The following SSBP2 variants were observed in gnomAD, a reference collection of about 807,000 sequenced individuals.
SSBP2 encodes single-stranded DNA-binding protein 2.
In SSBP2, 17 loss-of-function variants were observed where a neutral mutation model predicts 61.8. That is an observed-to-expected ratio of 0.28 (90% CI 0.19 to 0.41). SSBP2 has a LOEUF of 0.41. SSBP2 is among the 10% of genes least tolerant of loss of function. The pLI is 1.00. For missense variants in SSBP2, 310 were observed against 458.7 expected (o/e 0.68, Z 2.96); for synonymous variants, 139 against 141.3 (o/e 0.98, Z 0.12).
intron 4 of SSBP2, among the ~76,000 whole-genome samples, chr5:81,546,265 C>A (rs1223708654): frequency 6.6e-6 from 1 of 152,166 alleles, no homozygotes; most frequent in African/African-American, 2.4e-5. Context: ...TACTAAGTAG[C>A]AAAATCACAA....
intron 1 of SSBP2, among the ~76,000 whole-genome samples, chr5:81,712,764 ACT>A (rs1754886899): frequency 6.8e-6 from 1 of 147,030 alleles, no homozygotes; most frequent in African/African-American, 2.5e-5. Context: ...ACAGGGTCTC[ACT>A]CTGTAACCCA....
chr5:81,559,064 G>C (rs1433101287), intron 4 of SSBP2, among the ~76,000 whole-genome samples: 1 of 152,048 alleles, frequency 6.6e-6, no homozygotes, highest in Non-Finnish European at 1.5e-5. Flanking sequence ...GGCCAGTCTG[G>C]CCAACATGGC....
At chr5:81,661,503 A>G (rs1057300203) in intron 1 of SSBP2, among the ~76,000 whole-genome samples, 2 of 139,014 alleles carry the variant, frequency 1.4e-5, no homozygotes, top group Admixed American at 7.0e-5. Context: ...CACATCCTCA[A>G]TAACACTTCT....
intron 4 of SSBP2, among the ~76,000 whole-genome samples, chr5:81,516,123 T>C (rs915990502): frequency 6.6e-6 from 1 of 151,906 alleles, no homozygotes; most frequent in Non-Finnish European, 1.5e-5. Context: ...CCCAGTAAAA[T>C]AGGCAAGGAT....
chr5:81,654,722 T>TA (rs751859094), intron 1 of SSBP2, among the ~76,000 whole-genome samples: 2 of 152,268 alleles, frequency 1.3e-5, no homozygotes, highest in East Asian at 3.9e-4. Flanking sequence ...GGAACAGTAA[T>TA]AAAAGATACT....
chr5:81,519,636 TGTTTCAG>T (rs1213049013), intron 4 of SSBP2, among the ~76,000 whole-genome samples: 36 of 152,190 alleles, frequency 2.4e-4, no homozygotes, highest in African/African-American at 8.4e-4. Context: ...GGAACACAAA[TGTTTCAG>T]AGATTTAATT....
At position 81,747,026 on chromosome 5, in the gene SSBP2, G is replaced by T. The variant is rs1025115168; in HGVS notation, c.62+3955C>A. Among the ~76,000 whole-genome samples the T allele has an allele frequency of 2.8e-5, 4 of 142,126 alleles. 1 individual carries two copies. Among genetic ancestry groups the T allele is most frequent in the Admixed American group, 1.4e-4 (2 of 14,356 alleles). 93.2% of individuals were successfully genotyped at this position (142,126 alleles called of 152,430 possible). A position where few individuals can be genotyped will look rare whatever the true frequency, so the allele number is the denominator to read the frequency against. Reference sequence around the variant, plus strand: ...CAAGCAATCAAACAAAATTCCTGGGGGGGGGGGGAATCTGAAGAAACAAGT... The same window carrying T: ...CAAGCAATCAAACAAAATTCCTGGGTGGGGGGGGAATCTGAAGAAACAAGT... On this transcript the variant is annotated intron_variant, in intron 1 of 16. Transcript: ENST00000320672.
chr5:81,495,177 C>T (rs1038464776), intron 5 of SSBP2, among the ~76,000 whole-genome samples: 2 of 152,002 alleles, frequency 1.3e-5, no homozygotes, highest in African/African-American at 4.8e-5. Context: ...ATCCCTCAGT[C>T]GAAGTCTTTT....
intron 4 of SSBP2, among the ~76,000 whole-genome samples, chr5:81,600,475 T>A (rs1744244181): frequency 6.9e-6 from 1 of 144,166 alleles, no homozygotes; most frequent in Non-Finnish European, 1.5e-5. Context: ...GGCAGAAGAA[T>A]CACTTGAACC....
intron 9 of SSBP2, among the ~76,000 whole-genome samples, chr5:81,463,975 C>T (rs192130796): frequency 0.012 from 1,761 of 151,948 alleles, 32 homozygotes; most frequent in South Asian, 0.092. Flanking sequence ...CCCTATGTTG[C>T]CCAGGCTGGT....
In SSBP2 at chr5:81,428,594, C is replaced by T. The variant is rs1259182003; in HGVS notation, c.1047G>A (p.Gln349=). 2 of 1,612,342 alleles carry T rather than the reference C, an allele frequency of 1.2e-6. No individual in the cohort carries two copies. The highest frequency in any genetic ancestry group is 2.7e-5 in the African/African-American group (2 of 74,844). Reference sequence around the variant, plus strand: ...TCAAGGGAATACTTACACTCTCACTCTGAAAAGGATTTAAGAAATTTCCCC... The same window carrying T: ...TCAAGGGAATACTTACACTCTCACTTTGAAAAGGATTTAAGAAATTTCCCC... Residue 349 remains glutamine (Q), a synonymous_variant, in exon 16 of 17, where the codon CAG becomes CAA. Coordinates refer to ENST00000320672, the MANE Select transcript of SSBP2 (RefSeq NM_012446.5).
At position 81,741,333 on chromosome 5, in the gene SSBP2, C is replaced by T. The variant is rs1184934570; in HGVS notation, c.62+9648G>A. On this transcript the variant is annotated intron_variant, in intron 1 of 16. Transcript: ENST00000320672. Reference sequence around the variant, plus strand: ...GTAGTTGTCAAGGGCACATAGAAGGCGGGAGTGGGGAGTGATTGTTTAATG... The same window carrying T: ...GTAGTTGTCAAGGGCACATAGAAGGTGGGAGTGGGGAGTGATTGTTTAATG... Among the ~76,000 whole-genome samples, 8 of 152,154 alleles carry T rather than the reference C, an allele frequency of 5.3e-5. No homozygotes were observed. The East Asian group carries it at 7.7e-4, about 15-fold the overall frequency.
At chr5:81,521,920 G>A (rs1490590197) in intron 4 of SSBP2, among the ~76,000 whole-genome samples, 1 of 151,888 alleles carries the variant, frequency 6.6e-6, no homozygotes, top group Admixed American at 6.6e-5. Context: ...TTGCCAGAAG[G>A]ATTTTTACAG....
At chr5:81,557,058 G>A (rs1450338818) in intron 4 of SSBP2, among the ~76,000 whole-genome samples, 2 of 151,850 alleles carry the variant, frequency 1.3e-5, no homozygotes, top group Admixed American at 1.3e-4. Context: ...TCATACTCTG[G>A]TACTCCTTAA....
At chr5:81,688,185 T>C (rs905545306) in intron 1 of SSBP2, among the ~76,000 whole-genome samples, 15 of 152,100 alleles carry the variant, frequency 9.9e-5, no homozygotes, top group African/African-American at 3.6e-4. Context: ...GGGAGATTCC[T>C]CTGCTCAAGG....
At chr5:81,593,816 T>A (rs1017107439) in intron 4 of SSBP2, among the ~76,000 whole-genome samples, 6 of 152,178 alleles carry the variant, frequency 3.9e-5, no homozygotes, top group African/African-American at 1.4e-4. Context: ...CCACCAGGCC[T>A]GCCCTAAAGG....
intron 6 of SSBP2, among the ~76,000 whole-genome samples, chr5:81,477,929 T>A (rs1765703266): frequency 1.3e-5 from 2 of 152,098 alleles, no homozygotes; most frequent in African/African-American, 4.8e-5. Flanking sequence ...AAAGATTTAA[T>A]TCTTTAAAAA....
intron 4 of SSBP2, among the ~76,000 whole-genome samples, chr5:81,573,583 TG>T (rs1773984444): frequency 6.6e-6 from 1 of 152,232 alleles, no homozygotes; most frequent in African/African-American, 2.4e-5. Flanking sequence ...CTCACTCCCT[TG>T]GTTGGTTTAC....
At chr5:81,682,723 C>T (rs909663486) in intron 1 of SSBP2, among the ~76,000 whole-genome samples, 2 of 152,084 alleles carry the variant, frequency 1.3e-5, no homozygotes, top group Admixed American at 6.6e-5. Context: ...AAAGATCAAA[C>T]TGTCTTTGTT....
Sources: gnomAD v4.1 joint callset for allele counts (sites outside exome capture counted in the v4.1 genomes callset) on GRCh38, gnomAD v4.1.1 for gene constraint, MANE v1.5 for transcripts, NCBI Gene and HGNC (gene_info 2026-07-23, HGNC 2026-07-21) for gene names.